The following COL24A1 variants were observed in gnomAD, a reference collection of about 807,000 sequenced individuals.
COL24A1 encodes collagen type XXIV alpha 1 chain.
In COL24A1, 224 loss-of-function variants were observed where a neutral mutation model predicts 253.9. The ratio of observed to expected loss-of-function variants is 0.88; its 90% CI spans 0.79 to 0.99. COL24A1 has a LOEUF of 0.99. COL24A1 is among the 50% of genes least tolerant of loss of function. COL24A1 has a pLI of 0.00. For synonymous variants in COL24A1, 685 were observed against 673.7 expected (o/e 1.02, Z -0.26); for missense variants, 2,131 against 2,068.5 (o/e 1.03, Z -0.59).
At chr1:85,808,069 T>C (rs1440650762) in intron 47 of COL24A1, among the ~76,000 whole-genome samples, 1 of 152,204 alleles carries the variant, frequency 6.6e-6, no homozygotes, top group Non-Finnish European at 1.5e-5. Flanking sequence ...GCTACTACTA[T>C]GGTAAGATGG....
chr1:85,790,657 TTACGTA>T (rs56128698), intron 47 of COL24A1, among the ~76,000 whole-genome samples: 108,557 of 151,694 alleles, frequency 0.72, 41,955 homozygotes, highest in Non-Finnish European at 0.87. Flanking sequence ...ACACTTTATT[TTACGTA>T]TTACCAGTGC....
intron 35 of COL24A1, among the ~76,000 whole-genome samples, chr1:85,869,416 A>T (rs982166568): frequency 1.4e-4 from 22 of 152,288 alleles, no homozygotes; most frequent in East Asian, 3.9e-4. Flanking sequence ...AAAGTTGAAA[A>T]GAAGGAAAAA....
chr1:85,858,617 C>CTCCCTCCCTCCT lies in COL24A1; in HGVS notation c.3301-9212_3301-9211insAGGAGGGAGGGA, dbSNP rs1553201459. ...CAATAACATATTTTCTCCTTATTTT[C>CTCCCTCCCTCCT]TCCCTCCTTCCTTCCTTCCTTCCTT... On this transcript the variant is annotated intron_variant, in intron 37 of 59. Transcript: ENST00000370571. Among the ~76,000 whole-genome samples, 2 of 50,642 alleles carry CTCCCTCCCTCCT rather than the reference C, an allele frequency of 3.9e-5. 1 individual carries two copies. The highest frequency in any genetic ancestry group is 1.1e-4 in the Non-Finnish European group (2 of 18,826). 33.2% of individuals were successfully genotyped at this position (50,642 alleles called of 152,430 possible). A position where few individuals can be genotyped will look rare whatever the true frequency, so the allele number is the denominator to read the frequency against.
At position 86,053,437 on chromosome 1, in the gene COL24A1, C is replaced by T. The variant is rs1700458460; in HGVS notation, c.1852-3260G>A. ...TGTTTCATAGAGGTTTCTTGATCAT[C>T]ATTACACTGATTCTAACAGAAATAA... On this transcript the variant is annotated intron_variant, in intron 10 of 59. Transcript: ENST00000370571. Among the ~76,000 whole-genome samples, 6 of 152,132 alleles carry T rather than the reference C, an allele frequency of 3.9e-5. No individual in the cohort carries two copies. The South Asian group carries it at 6.2e-4, about 16-fold the overall frequency.
chr1:86,102,426 A>T (rs1483907777), intron 5 of COL24A1, among the ~76,000 whole-genome samples: 1 of 152,066 alleles, frequency 6.6e-6, no homozygotes, highest in East Asian at 1.9e-4. Flanking sequence ...TCTTCTGCTA[A>T]CTTTGAGGTT....
At chr1:85,936,428 G>T (rs1471878119) in intron 24 of COL24A1, among the ~76,000 whole-genome samples, 3 of 147,388 alleles carry the variant, frequency 2.0e-5, no homozygotes, top group Admixed American at 1.4e-4. Context: ...AGGCAGAAGG[G>T]ACTATGACCC....
intron 22 of COL24A1, among the ~76,000 whole-genome samples, chr1:85,967,487 G>T (rs1304235566): frequency 6.6e-6 from 1 of 152,114 alleles, no homozygotes; most frequent in Non-Finnish European, 1.5e-5. Context: ...GATAATAAGA[G>T]AGAATGTATT....
intron 20 of COL24A1, among the ~76,000 whole-genome samples, chr1:85,977,313 T>G (rs1025644823): frequency 3.3e-5 from 5 of 152,088 alleles, no homozygotes; most frequent in African/African-American, 9.7e-5. Context: ...CAAAATAAGG[T>G]TCTATTACAC....
chr1:85,734,655 G>A (rs937366918), intron 59 of COL24A1, 94 bp downstream of exon 59: 34 of 1,111,874 alleles, frequency 3.1e-5, no homozygotes, highest in Non-Finnish European at 4.4e-5. Context: ...TCTGCAGTTT[G>A]TAATTAAAGT....
chr1:85,850,985 A>ATG (rs377211464), intron 37 of COL24A1, among the ~76,000 whole-genome samples: 37,010 of 144,334 alleles, frequency 0.26, 5,286 homozygotes, highest in East Asian at 0.35. Context: ...GTGTATGTCT[A>ATG]TGTGTGTGTG....
At chr1:86,098,832 A>G (rs1029289601) in intron 5 of COL24A1, among the ~76,000 whole-genome samples, 1 of 152,192 alleles carries the variant, frequency 6.6e-6, no homozygotes, top group Non-Finnish European at 1.5e-5. Context: ...AAAGGACGTA[A>G]CAGAATCTAA....
chr1:85,852,092 G>T (rs1035589835), intron 37 of COL24A1, among the ~76,000 whole-genome samples: 4 of 152,104 alleles, frequency 2.6e-5, no homozygotes, highest in Admixed American at 2.6e-4. Context: ...TAATTTTGCG[G>T]GGTGTGTGTT....
At chr1:86,077,858 G>C (rs1039806266) in intron 7 of COL24A1, among the ~76,000 whole-genome samples, 1 of 152,106 alleles carries the variant, frequency 6.6e-6, no homozygotes, top group Non-Finnish European at 1.5e-5. Context: ...GCTGGGGAGG[G>C]CTAGCATTAG....
At chr1:85,759,244 G>A (rs1306721454) in intron 55 of COL24A1, among the ~76,000 whole-genome samples, 1 of 152,094 alleles carries the variant, frequency 6.6e-6, no homozygotes, top group African/African-American at 2.4e-5. Flanking sequence ...ATGCAAGCAT[G>A]CACTCAACAT....
At position 85,786,550 on chromosome 1, in the gene COL24A1, C is replaced by T. The variant is rs373427900; in HGVS notation, c.3952-89G>A. On this transcript the variant is annotated intron_variant, in intron 47 of 59. Coordinates refer to ENST00000370571, the MANE Select transcript of COL24A1 (RefSeq NM_152890.7). ...ATAAAATGTAGGAAGAGTTGTGCCCCGAAAGGCGTCTGTTAACATACTGCC... is the reference window on the plus strand; with the variant it reads ...ATAAAATGTAGGAAGAGTTGTGCCCTGAAAGGCGTCTGTTAACATACTGCC... 9.4e-5 allele frequency: 107 copies of T among 1,135,078 alleles called. 1 individual carries two copies. The East Asian group carries it at 1.7e-3, about 18-fold the overall frequency. The allele number at this position is 1,135,078 out of a possible 1,614,324, so 70.3% of individuals were successfully genotyped here. A position where few individuals can be genotyped will look rare whatever the true frequency, so the allele number is the denominator to read the frequency against.
rs187573768 is a variant in COL24A1 at position 85,823,530 on chromosome 1, A to C, written c.3789+6T>G. ...TCTCAAATTGCCTTAAATAATTTCA[A>C]CTTACTTCAGATCCTCTCTCTCCTT... On this transcript the variant is annotated splice_donor_region_variant and intron_variant, in intron 45 of 59. Coordinates refer to ENST00000370571, the MANE Select transcript of COL24A1 (RefSeq NM_152890.7). 20 of 1,613,656 alleles carry C rather than the reference A, an allele frequency of 1.2e-5. No homozygotes were observed. In the South Asian group the frequency reaches 2.1e-4, roughly 17 times the overall value.
At chr1:86,138,643 G>A (rs1372457776) in intron 2 of COL24A1, among the ~76,000 whole-genome samples, 4 of 152,076 alleles carry the variant, frequency 2.6e-5, no homozygotes, top group African/African-American at 4.8e-5. Context: ...GGCCTCCCTA[G>A]CTATATGGAA....
At chr1:86,150,557 G>A (rs1205212208) in intron 1 of COL24A1, among the ~76,000 whole-genome samples, 2 of 152,048 alleles carry the variant, frequency 1.3e-5, no homozygotes, top group African/African-American at 2.4e-5. Context: ...TAGCATATAT[G>A]GTAGCCTTCT....
At position 85,786,372 on chromosome 1, in the gene COL24A1, T is replaced by C. The variant is rs1430825850; in HGVS notation, c.4041A>G (p.Pro1347=). Residue 1347 remains proline (P), a synonymous_variant, in exon 48 of 60, where the codon CCA becomes CCG. Transcript: ENST00000370571. ...AAAGTACCTTTGGGCCTTGAATTCC[T>C]GGGCTTCCTGGCAAGCCTGATGAAC... The part of the protein sequence containing the change: ...VKGSSGLPGS[P]GIQGPKGEQG... 2.5e-6 allele frequency: 4 copies of C among 1,613,812 alleles called. No homozygotes were observed. The highest frequency in any genetic ancestry group is 3.4e-6 in the Non-Finnish European group (4 of 1,179,790).
Sources: gnomAD v4.1 joint callset for allele counts (sites outside exome capture counted in the v4.1 genomes callset) on GRCh38, gnomAD v4.1.1 for gene constraint, MANE v1.5 for transcripts, NCBI Gene and HGNC (gene_info 2026-07-23, HGNC 2026-07-21) for gene names.